Variants in CTNND2 observed in about 807,000 individuals in gnomAD.
CTNND2 encodes the protein catenin delta-2.
Under a neutral mutation model 144.4 loss-of-function variants are expected in CTNND2, and 22 were observed. That is an observed-to-expected ratio of 0.15 (90% CI 0.11 to 0.22). The LOEUF is 0.22. Ranked by LOEUF, CTNND2 falls within the 10% of genes least tolerant of loss-of-function variation. The pLI is 1.00. For synonymous variants in CTNND2, 751 were observed against 695.6 expected, an observed-to-expected ratio of 1.08 and a Z score of -1.25; for missense variants, 1,353 against 1,618.8, an observed-to-expected ratio of 0.84 and a Z score of 2.82.
chr5:11,503,538 TAATC>T (rs1770732043), intron 3 of CTNND2, among the ~76,000 whole-genome samples: 1 of 152,224 alleles, frequency 6.6e-6, no homozygotes, highest in African/African-American at 2.4e-5. Flanking sequence ...TTTAATCAAT[TAATC>T]AATCAATGCA....
At chr5:11,838,282 T>C (rs1336783466) in intron 1 of CTNND2, among the ~76,000 whole-genome samples, 1 of 152,198 alleles carries the variant, frequency 6.6e-6, no homozygotes, top group African/African-American at 2.4e-5. Flanking sequence ...GTGGAGTTCT[T>C]TTCCTCCCAG....
At chr5:11,559,084 C>T (rs1054633012) in intron 3 of CTNND2, among the ~76,000 whole-genome samples, 3 of 152,072 alleles carry the variant, frequency 2.0e-5, no homozygotes, top group African/African-American at 7.2e-5. Context: ...AAACATTTTT[C>T]CTATATTTTC....
intron 2 of CTNND2, among the ~76,000 whole-genome samples, chr5:11,712,832 T>G (rs911692099): frequency 6.6e-6 from 1 of 152,154 alleles, no homozygotes; most frequent in African/African-American, 2.4e-5. Flanking sequence ...AATATACTAG[T>G]TGGAGAAGAT....
chr5:11,089,784 C>T (rs760791813), intron 15 of CTNND2, among the ~76,000 whole-genome samples: 34 of 152,138 alleles, frequency 2.2e-4, no homozygotes, highest in African/African-American at 3.4e-4. Flanking sequence ...CCAAGGAGGG[C>T]GGATCACTTG....
intron 6 of CTNND2, among the ~76,000 whole-genome samples, chr5:11,394,176 A>G (rs953680429): frequency 6.6e-6 from 1 of 152,084 alleles, no homozygotes; most frequent in Non-Finnish European, 1.5e-5. Flanking sequence ...CATAGAAACC[A>G]TCACTTTCTA....
intron 1 of CTNND2, among the ~76,000 whole-genome samples, chr5:11,871,262 C>T (rs1030985316): frequency 2.0e-5 from 3 of 152,176 alleles, no homozygotes; most frequent in African/African-American, 7.2e-5. Flanking sequence ...CTTAAGACAG[C>T]GTTCCTCTAA....
At chr5:11,722,146 G>T (rs184170536) in intron 2 of CTNND2, among the ~76,000 whole-genome samples, 6 of 152,298 alleles carry the variant, frequency 3.9e-5, no homozygotes, top group African/African-American at 1.4e-4. Flanking sequence ...TTTTAGTGAG[G>T]TAGCTTTCAA....
chr5:11,648,191 T>TTA (rs1554099267), intron 2 of CTNND2, among the ~76,000 whole-genome samples: 8 of 147,986 alleles, frequency 5.4e-5, no homozygotes, highest in African/African-American at 2.0e-4. Flanking sequence ...TTTTTTTTTT[T>TTA]ACTATTATAT....
intron 9 of CTNND2, among the ~76,000 whole-genome samples, chr5:11,254,225 A>C (rs1159045778): frequency 6.6e-6 from 1 of 152,202 alleles, no homozygotes; most frequent in Non-Finnish European, 1.5e-5. Context: ...CCTGATTTTC[A>C]GACATCTTAA....
In CTNND2 at chr5:11,633,059, TAGAG is replaced by T. The variant is rs140561184; in HGVS notation, c.175-68007_175-68004del. Among the ~76,000 whole-genome samples, 1,518 of 152,204 alleles carry T rather than the reference TAGAG, an allele frequency of 1.0e-2. 11 individuals are homozygous for T. The highest frequency in any genetic ancestry group is 0.027 in the East Asian group (137 of 5,168). The stretch of plus-strand genomic sequence containing the variant: ...GGAAGCGCCAGAGAGACAGGAGAGA[TAGAG>T]AGAAGGCATGAAAATATCAAATGAA... On this transcript the variant is annotated intron_variant, in intron 2 of 21. Transcript: ENST00000304623.
chr5:11,283,266 T>G (rs184368347), intron 9 of CTNND2, among the ~76,000 whole-genome samples: 1 of 152,142 alleles, frequency 6.6e-6, no homozygotes, highest in Non-Finnish European at 1.5e-5. Context: ...CACTTGCCCA[T>G]GCCCAGTGTA....
intron 2 of CTNND2, among the ~76,000 whole-genome samples, chr5:11,608,292 C>T (rs1285006493): frequency 1.3e-5 from 2 of 152,194 alleles, no homozygotes; most frequent in Non-Finnish European, 2.9e-5. Flanking sequence ...AGGCTTTCAT[C>T]TCCAACTCTG....
chr5:11,897,061 T>G (rs1017263430), intron 1 of CTNND2, among the ~76,000 whole-genome samples: 2 of 152,206 alleles, frequency 1.3e-5, no homozygotes, highest in Non-Finnish European at 2.9e-5. Context: ...ATATAACACC[T>G]GTCTGTCTTT....
intron 6 of CTNND2, among the ~76,000 whole-genome samples, chr5:11,395,399 C>G (rs539272465): frequency 5.9e-5 from 9 of 152,204 alleles, no homozygotes; most frequent in Non-Finnish European, 8.8e-5. Flanking sequence ...CATTTCAACT[C>G]CTGGTTTGAT....
At chr5:11,312,586 G>A (rs553475100) in intron 9 of CTNND2, among the ~76,000 whole-genome samples, 3 of 144,504 alleles carry the variant, frequency 2.1e-5, no homozygotes, top group African/African-American at 7.6e-5. Flanking sequence ...ACAACATGTG[G>A]GAATTCTGGG....
chr5:11,615,942 C>T (rs534649653), intron 2 of CTNND2, among the ~76,000 whole-genome samples: 3 of 152,290 alleles, frequency 2.0e-5, no homozygotes, highest in South Asian at 4.2e-4. Flanking sequence ...CATTTTAGCA[C>T]CATGAGATGG....
At chr5:11,900,342 TA>T (rs1482491585) in intron 1 of CTNND2, among the ~76,000 whole-genome samples, 1 of 152,220 alleles carries the variant, frequency 6.6e-6, no homozygotes, top group Non-Finnish European at 1.5e-5. Context: ...GGAGGTGTCA[TA>T]ACTGCAGATT....
intron 9 of CTNND2, among the ~76,000 whole-genome samples, chr5:11,251,424 C>G (rs1200358160): frequency 6.6e-6 from 1 of 152,210 alleles, no homozygotes; most frequent in Non-Finnish European, 1.5e-5. Context: ...CTTCATATCA[C>G]AGAAACCTCT....
At chr5:11,093,479 T>G (rs1385167958) in intron 15 of CTNND2, among the ~76,000 whole-genome samples, 1 of 152,182 alleles carries the variant, frequency 6.6e-6, no homozygotes, top group Non-Finnish European at 1.5e-5. Context: ...CTGATGCTCA[T>G]AAACCAAGTA....
Sources: gnomAD v4.1 joint callset for allele counts (sites outside exome capture counted in the v4.1 genomes callset) on GRCh38, gnomAD v4.1.1 for gene constraint, MANE v1.5 for transcripts, NCBI Gene and HGNC (gene_info 2026-07-23, HGNC 2026-07-21) for gene names.